Variants in SEMA5A observed in about 807,000 individuals in gnomAD.
SEMA5A encodes the protein semaphorin-5A.
In SEMA5A, 55 loss-of-function variants were observed where a neutral mutation model predicts 135.5. The ratio of observed to expected loss-of-function variants is 0.41; its 90% CI spans 0.33 to 0.51. The LOEUF is 0.51. Among genes scored for constraint, SEMA5A ranks in the 20% least tolerant of loss-of-function variants. SEMA5A has a pLI of 0.37. For missense variants in SEMA5A, 1,290 were observed against 1,419.9 expected (o/e 0.91, Z 1.47); for synonymous variants, 580 against 546.5 (o/e 1.06, Z -0.85).
At chr5:9,530,692 T>A (rs1393754568) in intron 1 of SEMA5A, among the ~76,000 whole-genome samples, 2 of 152,258 alleles carry the variant, frequency 1.3e-5, no homozygotes, top group South Asian at 2.1e-4. Context: ...ACCACTCAAC[T>A]CAGACCTCAG....
intron 1 of SEMA5A, among the ~76,000 whole-genome samples, chr5:9,496,950 T>C (rs1561298946): frequency 6.6e-6 from 1 of 152,238 alleles, no homozygotes; most frequent in African/African-American, 2.4e-5. Context: ...ACCATTCATT[T>C]GTGTTTTAAT....
At chr5:9,306,513 G>A (rs973589844) in intron 5 of SEMA5A, among the ~76,000 whole-genome samples, 2 of 151,932 alleles carry the variant, frequency 1.3e-5, no homozygotes, top group African/African-American at 2.4e-5. Context: ...TTATTCTAAT[G>A]TTCTGGTAAA....
At position 9,154,599 on chromosome 5, in the gene SEMA5A, T is replaced by C; in HGVS notation, c.1370A>G (p.Glu457Gly). The C allele has an allele frequency of 6.2e-7, 1 of 1,613,888 alleles. No individual in the cohort carries two copies. The highest frequency in any genetic ancestry group is 1.1e-5 in the South Asian group (1 of 91,058). ...EIELFPERRREPIRSLQILHS... is the reference protein window; with the variant it reads ...EIELFPERRRGPIRSLQILHS... ...CAGGATCTGCAGGCTCCTGATGGGC[T>C]CCCTCCGCCTCTCAGGGAAGAGCTC... Residue 457 changes from glutamate (E) to glycine (G), a missense_variant, in exon 12 of 23, where the codon GAG becomes GGG. Glu to Gly is a moderately conservative substitution (Grantham distance 98, BLOSUM62 -2). Around this residue, in one of 3 missense-constraint regions of SEMA5A, gnomAD observed 1,029 missense variants for 1,086.6 expected, o/e 0.95. Transcript: ENST00000382496.
intron 6 of SEMA5A, 131 bp downstream of exon 6, chr5:9,237,697 A>G (rs1027129404): frequency 4.4e-6 from 3 of 675,016 alleles, no homozygotes; most frequent in Non-Finnish European, 7.4e-6. Context: ...TACCGTATAC[A>G]TATTTTGAAT....
chr5:9,450,189 G>C (rs1273742968), intron 1 of SEMA5A, among the ~76,000 whole-genome samples: 1 of 152,178 alleles, frequency 6.6e-6, no homozygotes, highest in Non-Finnish European at 1.5e-5. Flanking sequence ...CAGCCTCAGA[G>C]ACATTTCCAG....
chr5:9,461,897 C>A (rs1759071282), intron 1 of SEMA5A, among the ~76,000 whole-genome samples: 1 of 152,198 alleles, frequency 6.6e-6, no homozygotes, highest in Non-Finnish European at 1.5e-5. Context: ...TAGGAGGGGA[C>A]TTCCACTCTG....
intron 18 of SEMA5A, among the ~76,000 whole-genome samples, chr5:9,062,185 G>A (rs943668583): frequency 7.9e-5 from 12 of 152,100 alleles, no homozygotes; most frequent in Non-Finnish European, 1.8e-4. Context: ...CCTAGATGAT[G>A]TCTTTCCCCA....
At position 9,035,733 on chromosome 5, in the gene SEMA5A, T is replaced by A. The variant is rs183987041; in HGVS notation, c.*7164A>T. 6.6e-6 allele frequency: 1 copy of A among 152,226 alleles called. No individual in the cohort carries two copies. The highest frequency in any genetic ancestry group is 6.5e-5 in the Admixed American group (1 of 15,280). The allele number at this position is 152,226 out of a possible 1,614,324, so 9.4% of individuals were successfully genotyped here. A position where few individuals can be genotyped will look rare whatever the true frequency, so the allele number is the denominator to read the frequency against. On this transcript the variant is annotated 3_prime_UTR_variant, in exon 23 of 23. Transcript: ENST00000382496. ...CAAATGTAAGGATTGAAAGAAAGTG[T>A]GGTGTGTCCATGGCCCCCTTACAAA...
chr5:9,153,154 TAG>T (rs1742727873), intron 12 of SEMA5A, among the ~76,000 whole-genome samples: 1 of 151,924 alleles, frequency 6.6e-6, no homozygotes, highest in African/African-American at 2.4e-5. Flanking sequence ...GCACCTTGTT[TAG>T]AGAGAGAGTG....
Position 9,136,533 on chromosome 5 carries a change from G to C in SEMA5A, c.1570C>G (p.Gln524Glu), listed in dbSNP as rs759242359. The change falls in exon 13 of 23, where the codon CAG becomes GAG. Residue 524 changes from glutamine (Q) to glutamate (E), a missense_variant. Coordinates refer to ENST00000382496, the MANE Select transcript of SEMA5A (RefSeq NM_003966.3). The stretch of plus-strand genomic sequence containing the variant: ...CACGCAGAGATGCTCTGTTCCCACT[G>C]CGTCATGCTCAGGCTCTCCTCCAGG... ...TSLEESLSMT[Q>E]WEQSISACPT... is the part of the protein sequence containing the mutation. 18 of 1,614,122 alleles carry C rather than the reference G, an allele frequency of 1.1e-5. No individual in the cohort carries two copies. The South Asian group carries it at 2.0e-4, about 18-fold the overall frequency.
In SEMA5A at chr5:9,042,716, A is replaced by T; in HGVS notation, c.*181T>A. 1 of 636,470 alleles carries T rather than the reference A, an allele frequency of 1.6e-6. No homozygotes were observed. The highest frequency in any genetic ancestry group is 2.7e-6 in the Non-Finnish European group (1 of 377,232). 39.4% of individuals were successfully genotyped at this position (636,470 alleles called of 1,614,324 possible). Reference sequence around the variant, plus strand: ...ATGGTCAAGATTTTCACGATGTCTTATTTCAATTTTTGTTGCTTTTAAAGA... The same window carrying T: ...ATGGTCAAGATTTTCACGATGTCTTTTTTCAATTTTTGTTGCTTTTAAAGA... On this transcript the variant is annotated 3_prime_UTR_variant, in exon 23 of 23. Transcript: ENST00000382496.
rs1376360996 is a variant in SEMA5A, at chr5:9,125,409, G to T, written c.1600-2572C>A. On this transcript the variant is annotated intron_variant, in intron 13 of 22. Transcript: ENST00000382496. ...TGTTACATAGGTATACATGTGCCAT[G>T]GTGGTTTGCTGCATCTATCAACCCA... Among the ~76,000 whole-genome samples, 3 of 152,136 alleles carry T rather than the reference G, an allele frequency of 2.0e-5. No homozygotes were observed. In the East Asian group the frequency reaches 5.8e-4, roughly 29 times the overall value.
chr5:9,201,350 T>C (rs1745692928), intron 9 of SEMA5A, among the ~76,000 whole-genome samples: 1 of 152,230 alleles, frequency 6.6e-6, no homozygotes, highest in South Asian at 2.1e-4. Flanking sequence ...TTGTTCATTC[T>C]AAAGTTAGGA....
intron 5 of SEMA5A, among the ~76,000 whole-genome samples, chr5:9,297,362 C>A (rs774725382): frequency 1.4e-4 from 22 of 151,988 alleles, no homozygotes; most frequent in Non-Finnish European, 3.1e-4. Flanking sequence ...CCTCTCAAGG[C>A]CTGCAGGTGG....
At chr5:9,306,776 T>C (rs1751890235) in intron 5 of SEMA5A, among the ~76,000 whole-genome samples, 1 of 152,214 alleles carries the variant, frequency 6.6e-6, no homozygotes, top group Non-Finnish European at 1.5e-5. Context: ...ATAGAGATTT[T>C]CCTTTGATGT....
At chr5:9,332,093 T>A (rs1753165030) in intron 4 of SEMA5A, among the ~76,000 whole-genome samples, 1 of 150,526 alleles carries the variant, frequency 6.6e-6, no homozygotes, top group East Asian at 2.0e-4. Flanking sequence ...TCACATCGGG[T>A]CAGAAGTACA....
At chr5:9,415,166 C>A (rs919717712) in intron 2 of SEMA5A, among the ~76,000 whole-genome samples, 2 of 152,206 alleles carry the variant, frequency 1.3e-5, no homozygotes, top group Non-Finnish European at 1.5e-5. Context: ...CCAAGTGCTT[C>A]TTATGAATAG....
intron 1 of SEMA5A, among the ~76,000 whole-genome samples, chr5:9,540,822 G>A (rs546878550): frequency 6.6e-6 from 1 of 152,226 alleles, no homozygotes; most frequent in African/African-American, 2.4e-5. Context: ...AGCTTTGGGG[G>A]CCCTCTGCAA....
At chr5:9,342,252 TG>T (rs1208901944) in intron 3 of SEMA5A, among the ~76,000 whole-genome samples, 18 of 152,178 alleles carry the variant, frequency 1.2e-4, no homozygotes, top group Non-Finnish European at 5.9e-5. Context: ...GGGCAGCTCT[TG>T]TGGAAGACAT....
Sources: gnomAD v4.1 joint callset for allele counts (sites outside exome capture counted in the v4.1 genomes callset) on GRCh38, gnomAD v4.1.1 for gene constraint, gnomAD v4.1.1 regional missense constraint, MANE v1.5 for transcripts, NCBI Gene and HGNC (gene_info 2026-07-23, HGNC 2026-07-21) for gene names.